The following INTS14 variants were observed in gnomAD, a reference collection of about 807,000 sequenced individuals.
INTS14 encodes the protein integrator complex subunit 14, also known as UPF0464 protein C15orf44.
INTS14 carries 27 observed loss-of-function variants against 56.9 expected under a neutral mutation model. That is an observed-to-expected ratio of 0.47 (90% CI 0.35 to 0.65). The LOEUF (loss-of-function observed/expected upper bound fraction) is 0.65. Ranked by LOEUF, INTS14 falls within the 30% of genes least tolerant of loss-of-function variation. INTS14 has a pLI of 0.00. For missense variants in INTS14, 517 were observed against 632.2 expected, an observed-to-expected ratio of 0.82 and a Z score of 1.95; for synonymous variants, 207 against 236.2, an observed-to-expected ratio of 0.88 and a Z score of 1.13.
Position 65,599,766 on chromosome 15 carries a change from G to T in INTS14, c.486+8C>A. On this transcript the variant is annotated splice_region_variant and intron_variant, in intron 4 of 11. Transcript: ENST00000313182. The stretch of plus-strand genomic sequence containing the variant: ...TAATCAAACTAAAAACTTAGCAAAA[G>T]GTATTACCTCCTCCAAATTCGCCAT... The T allele has an allele frequency of 6.2e-7, 1 of 1,611,752 alleles. No individual in the cohort carries two copies. Among genetic ancestry groups the T allele is most frequent in the Non-Finnish European group, 8.5e-7 (1 of 1,178,902 alleles).
At position 65,605,177 on chromosome 15, in the gene INTS14, A is replaced by G; in HGVS notation, c.282T>C (p.Gly94=). 1 of 1,614,186 alleles carries G rather than the reference A, an allele frequency of 6.2e-7. No homozygotes were observed. The highest frequency in any genetic ancestry group is 8.5e-7 in the Non-Finnish European group (1 of 1,179,996). Residue 94 remains glycine (G), a synonymous_variant, in exon 3 of 12, where the codon GGT becomes GGC. Transcript: ENST00000313182. The part of the protein sequence containing the change: ...DKTCLESALV[G]VCNIVQQEWG... ...ATTCTTGCTGAACGATATTGCAAACACCAACTAATGCAGACTCCAAGCAGG... is the reference window on the plus strand; with the variant it reads ...ATTCTTGCTGAACGATATTGCAAACGCCAACTAATGCAGACTCCAAGCAGG...
Position 65,595,744 on chromosome 15 carries a change from G to C in INTS14, c.830C>G (p.Ala277Gly). Residue 277 changes from alanine (A) to glycine (G), a missense_variant, in exon 7 of 12, where the codon GCA becomes GGA. Physicochemically the swap from Ala to Gly is moderately conservative, Grantham distance 60. Coordinates refer to ENST00000313182, the MANE Select transcript of INTS14 (RefSeq NM_001394796.1). ...GAATAGGAACTCACCTTTGTTAAGT[G>C]CTATAGGTAAGACCAGATGTCTGGA... ...VLSRHLVLPI[A>G]LNKEGDEVGT... 1 of 1,607,558 alleles carries C rather than the reference G, an allele frequency of 6.2e-7. No individual in the cohort carries two copies. The highest frequency in any genetic ancestry group is 2.2e-5 in the East Asian group (1 of 44,548).
Position 65,581,875 on chromosome 15 carries a change from C to T in INTS14, c.1305+79G>A. The T allele has an allele frequency of 2.1e-6, 3 of 1,415,270 alleles. No individual in the cohort carries two copies. In the East Asian group the frequency reaches 6.8e-5, roughly 32 times the overall value. The allele number at this position is 1,415,270 out of a possible 1,614,324, so 87.7% of individuals were successfully genotyped here. On this transcript the variant is annotated intron_variant, in intron 11 of 11. Coordinates refer to ENST00000313182, the MANE Select transcript of INTS14 (RefSeq NM_001394796.1). ...ACAAGTCATACATCTCTAACCCCTG[C>T]CCATATTCACACTGCCATCTCACAG...
At chr15:65,584,315 T>C (rs1596234771) in intron 10 of INTS14, among the ~76,000 whole-genome samples, 1 of 152,234 alleles carries the variant, frequency 6.6e-6, no homozygotes, top group East Asian at 1.9e-4. Flanking sequence ...TTACATCTTT[T>C]CCAAAACTGT....
Position 65,584,128 on chromosome 15 carries a change from C to G in INTS14, c.1239+642G>C, listed in dbSNP as rs141479091. Among the ~76,000 whole-genome samples, 360 of 152,178 alleles carry G rather than the reference C, an allele frequency of 2.4e-3. 2 individuals carry two copies. Among genetic ancestry groups the G allele is most frequent in the African/African-American group, 8.1e-3 (338 of 41,514 alleles). On this transcript the variant is annotated intron_variant, in intron 10 of 11. Transcript: ENST00000313182. ...AGGAGAAATGTTCCTGAATACCATG[C>G]CTGAAAGCATCATTCCTTGATAATC...
intron 11 of INTS14, among the ~76,000 whole-genome samples, chr15:65,580,778 T>C (rs1378605714): frequency 2.0e-5 from 3 of 152,134 alleles, no homozygotes; most frequent in African/African-American, 4.8e-5. Context: ...ACCAGAACAA[T>C]AGGGGAGAAT....
intron 3 of INTS14, among the ~76,000 whole-genome samples, chr15:65,603,397 A>G (rs1471160284): frequency 6.6e-6 from 1 of 152,200 alleles, no homozygotes; most frequent in Non-Finnish European, 1.5e-5. Context: ...CAAACAAGAT[A>G]AAGAATAGTC....
intron 4 of INTS14, 145 bp from the exon 5 acceptor site, chr15:65,599,135 A>G: frequency 1.7e-6 from 1 of 602,556 alleles, no homozygotes. Flanking sequence ...AGAAAATAAC[A>G]ACAACAATTT....
At chr15:65,603,635 TA>T (rs2073527416) in intron 3 of INTS14, among the ~76,000 whole-genome samples, 1 of 151,956 alleles carries the variant, frequency 6.6e-6, no homozygotes, top group African/African-American at 2.4e-5. Flanking sequence ...TTTTTATTAA[TA>T]AATAAATACT....
chr15:65,600,006 C>T (rs1436446149), intron 3 of INTS14, 77 bp from the exon 4 acceptor site: 3 of 1,486,032 alleles, frequency 2.0e-6, no homozygotes, highest in African/African-American at 1.4e-5. Flanking sequence ...AGTGTTTTCA[C>T]TGCTAGAAAG....
intron 11 of INTS14, among the ~76,000 whole-genome samples, chr15:65,580,040 A>C (rs1345284042): frequency 6.6e-6 from 1 of 152,244 alleles, no homozygotes; most frequent in East Asian, 1.9e-4. Context: ...AAACGCTCTT[A>C]ACCCTCTGAT....
Position 65,599,047 on chromosome 15 carries a change from T to G in INTS14, c.487-57A>C, listed in dbSNP as rs185699527. The G allele has an allele frequency of 4.1e-3, 5,371 of 1,297,208 alleles. 16 individuals carry two copies. Among genetic ancestry groups the G allele is most frequent in the Non-Finnish European group, 5.4e-3 (4,979 of 919,116 alleles). The allele number at this position is 1,297,208 out of a possible 1,614,324, so 80.4% of individuals were successfully genotyped here. ...GCTGGCACAAAATGCCAGATTATTC[T>G]CAGCTCACCAAGGTCAAAGCCATTA... On this transcript the variant is annotated intron_variant, in intron 4 of 11. Coordinates refer to ENST00000313182, the MANE Select transcript of INTS14 (RefSeq NM_001394796.1).
Position 65,579,253 on chromosome 15 carries a change from A to T in INTS14, c.*155T>A. ...CCAACCACCTTCACATCCTTCTCAT[A>T]CTAGTAGAGTCATTCAAAACAGCAA... is the stretch of plus-strand genomic sequence containing the variant. On this transcript the variant is annotated 3_prime_UTR_variant, in exon 12 of 12. Transcript: ENST00000313182. 1 of 1,033,428 alleles carries T rather than the reference A, an allele frequency of 9.7e-7. No homozygotes were observed. Among genetic ancestry groups the T allele is most frequent in the Non-Finnish European group, 1.4e-6 (1 of 720,822 alleles). The allele number at this position is 1,033,428 out of a possible 1,614,324, so 64.0% of individuals were successfully genotyped here.
chr15:65,600,682 C>A (rs186425123), intron 3 of INTS14, among the ~76,000 whole-genome samples: 2 of 151,102 alleles, frequency 1.3e-5, no homozygotes, highest in African/African-American at 2.4e-5. Flanking sequence ...AAAAAAGGCA[C>A]GAGAAAATTT....
chr15:65,586,292 T>C (rs2072821183), intron 9 of INTS14: 1 of 152,202 alleles, frequency 6.6e-6, no homozygotes, highest in Non-Finnish European at 1.5e-5. Flanking sequence ...ATTAGTCCCA[T>C]TAAAGATGAG....
chr15:65,605,680 TTAAA>T (rs1298783459), intron 2 of INTS14, among the ~76,000 whole-genome samples: 3 of 152,204 alleles, frequency 2.0e-5, no homozygotes, highest in African/African-American at 2.4e-5. Context: ...TATAGAAAGA[TTAAA>T]TAACTTTCCC....
chr15:65,600,843 T>C (rs1442369683), intron 3 of INTS14, among the ~76,000 whole-genome samples: 1 of 152,174 alleles, frequency 6.6e-6, no homozygotes, highest in African/African-American at 2.4e-5. Flanking sequence ...TCTAATAAAA[T>C]ATTTTTTAAA....
chr15:65,579,302 G>A lies in INTS14; in HGVS notation c.*106C>T. The A allele has an allele frequency of 6.8e-7, 1 of 1,471,926 alleles. No individual in the cohort carries two copies. 91.2% of individuals were successfully genotyped at this position (1,471,926 alleles called of 1,614,324 possible). A position where few individuals can be genotyped will look rare whatever the true frequency, so the allele number is the denominator to read the frequency against. On this transcript the variant is annotated 3_prime_UTR_variant, in exon 12 of 12. Transcript: ENST00000313182. The stretch of plus-strand genomic sequence containing the variant: ...AAGTGGTGCTTCTGAGGCAGCCTCA[G>A]GAAGGTCTTTGGGTGGCTATTCTAG...
intron 10 of INTS14, 97 bp downstream of exon 10, chr15:65,584,673 C>G (rs1014167747): frequency 2.0e-6 from 2 of 992,806 alleles, no homozygotes; most frequent in African/African-American, 3.3e-5. Flanking sequence ...AAATGAATTA[C>G]TAAGTATCAA....
Sources: gnomAD v4.1 joint callset for allele counts (sites outside exome capture counted in the v4.1 genomes callset) on GRCh38, gnomAD v4.1.1 for gene constraint, MANE v1.5 for transcripts, NCBI Gene and HGNC (gene_info 2026-07-23, HGNC 2026-07-21) for gene names.